Variants in CCDC178 observed in about 807,000 individuals in gnomAD.
CCDC178 encodes the protein coiled-coil domain-containing protein 178.
A neutral mutation model predicts 117.4 loss-of-function variants in CCDC178; 126 were observed. The observed-to-expected ratio is 1.07, with a 90% CI of 0.93 to 1.24. The LOEUF (loss-of-function observed/expected upper bound fraction) is 1.24, where lower values mean the gene tolerates loss of function less well. Among genes scored for constraint, CCDC178 ranks in the 50% most tolerant of loss-of-function variants. The pLI is 0.00. For synonymous variants in CCDC178, 283 were observed against 313.4 expected (o/e 0.90, Z 1.02); for missense variants, 1,030 against 986.9 (o/e 1.04, Z -0.59).
intron 1 of CCDC178, among the ~76,000 whole-genome samples, chr18:33,440,300 T>C (rs1212487646): frequency 4.5e-4 from 1 of 2,200 alleles, no homozygotes; most frequent in Non-Finnish European, 9.4e-4. Context: ...ACTGGGGGAC[T>C]GGGGGACTGG....
At chr18:33,259,704 G>T (rs370406056) in intron 14 of CCDC178, among the ~76,000 whole-genome samples, 1 of 152,056 alleles carries the variant, frequency 6.6e-6, no homozygotes, top group African/African-American at 2.4e-5. Flanking sequence ...CGAGATTTGG[G>T]TGGGGACTTA....
At chr18:33,314,321 C>G (rs546922714) in intron 11 of CCDC178, among the ~76,000 whole-genome samples, 1 of 150,428 alleles carries the variant, frequency 6.6e-6, no homozygotes, top group East Asian at 2.0e-4. Context: ...GGCTACTTCT[C>G]GGGATCTAAA....
At position 33,162,239 on chromosome 18, in the gene CCDC178, G is replaced by A. The variant is rs1295025476; in HGVS notation, c.2238+49657C>T. Among the ~76,000 whole-genome samples the A allele has an allele frequency of 3.3e-5, 5 of 152,188 alleles. No homozygotes were observed. In the East Asian group the frequency reaches 9.7e-4, roughly 29 times the overall value. On this transcript the variant is annotated intron_variant, in intron 20 of 22. Transcript: ENST00000383096. ...GGAGATATATCTAATGTTAAATGAC[G>A]AGTTAATGGGTGCAGCACACCAACA...
intron 2 of CCDC178, among the ~76,000 whole-genome samples, chr18:33,424,490 C>G (rs2064086242): frequency 6.6e-6 from 1 of 152,142 alleles, no homozygotes; most frequent in African/African-American, 2.4e-5. Flanking sequence ...GTTATATAAC[C>G]TATTTGTGTA....
intron 7 of CCDC178, among the ~76,000 whole-genome samples, chr18:33,351,244 G>A (rs2062976380): frequency 6.6e-6 from 1 of 151,890 alleles, no homozygotes; most frequent in Non-Finnish European, 1.5e-5. Context: ...CCAGGTTGGA[G>A]TGCAGTGGAG....
At chr18:33,194,091 T>A (rs2058896265) in intron 20 of CCDC178, among the ~76,000 whole-genome samples, 1 of 152,184 alleles carries the variant, frequency 6.6e-6, no homozygotes, top group South Asian at 2.1e-4. Context: ...ACAATGGCAA[T>A]TAAATTTCAA....
intron 21 of CCDC178, among the ~76,000 whole-genome samples, chr18:33,035,542 T>C (rs960251855): frequency 1.3e-5 from 2 of 152,000 alleles, no homozygotes; most frequent in African/African-American, 4.8e-5. Flanking sequence ...AAGATCTCAC[T>C]TGATGTAGAA....
intron 12 of CCDC178, among the ~76,000 whole-genome samples, chr18:33,291,195 T>A (rs2060162049): frequency 6.6e-6 from 1 of 152,050 alleles, no homozygotes; most frequent in South Asian, 2.1e-4. Flanking sequence ...CTTAAACAAG[T>A]TCACAAAAGG....
intron 5 of CCDC178, among the ~76,000 whole-genome samples, chr18:33,376,280 G>A (rs989174311): frequency 1.3e-5 from 2 of 152,056 alleles, no homozygotes; most frequent in Non-Finnish European, 2.9e-5. Flanking sequence ...TGGGGGAGGG[G>A]CGGGGAGGGC....
intron 20 of CCDC178, among the ~76,000 whole-genome samples, chr18:33,199,918 T>C (rs1391194757): frequency 6.6e-6 from 1 of 152,206 alleles, no homozygotes; most frequent in Non-Finnish European, 1.5e-5. Flanking sequence ...TTATAGTTTC[T>C]GGTTTTGGAT....
chr18:33,316,257 GCGC>G (rs1490288386), intron 11 of CCDC178, among the ~76,000 whole-genome samples: 4 of 152,322 alleles, frequency 2.6e-5, no homozygotes, highest in Admixed American at 2.6e-4. Context: ...CCGGGGCTGC[GCGC>G]GGTGCTTGCG....
At chr18:32,941,105 G>A (rs563972218) in intron 22 of CCDC178, among the ~76,000 whole-genome samples, 34 of 151,216 alleles carry the variant, frequency 2.2e-4, no homozygotes, top group African/African-American at 7.8e-4. Flanking sequence ...TCTGAAAGAC[G>A]CTTACAAAGT....
intron 21 of CCDC178, among the ~76,000 whole-genome samples, chr18:33,029,764 A>C (rs1263642353): frequency 2.0e-5 from 3 of 151,692 alleles, no homozygotes; most frequent in African/African-American, 7.3e-5. Flanking sequence ...TTTTTTCAGG[A>C]GTGTATTTAA....
intron 20 of CCDC178, among the ~76,000 whole-genome samples, chr18:33,102,262 G>C (rs1434680355): frequency 6.6e-6 from 1 of 151,742 alleles, no homozygotes; most frequent in Non-Finnish European, 1.5e-5. Flanking sequence ...CCTAATTTCA[G>C]TCTGACACCC....
intron 15 of CCDC178, among the ~76,000 whole-genome samples, chr18:33,231,500 T>G (rs2059367503): frequency 6.6e-6 from 1 of 152,202 alleles, no homozygotes; most frequent in African/African-American, 2.4e-5. Flanking sequence ...AATTATTGCC[T>G]CTTAGCTCCA....
chr18:33,437,989 G>C (rs892879995), intron 2 of CCDC178, among the ~76,000 whole-genome samples: 3 of 152,116 alleles, frequency 2.0e-5, no homozygotes, highest in African/African-American at 7.2e-5. Flanking sequence ...ATAAGGATAA[G>C]TTTAAATTTA....
rs1450443038 is a variant in CCDC178 at position 33,157,053 on chromosome 18, T to G, written c.2238+54843A>C. 3.3e-5 allele frequency among the ~76,000 whole-genome samples: 5 copies of G among 152,224 alleles called. No homozygotes were observed. The East Asian group carries it at 9.6e-4, about 29-fold the overall frequency. On this transcript the variant is annotated intron_variant, in intron 20 of 22. Coordinates refer to ENST00000383096, the MANE Select transcript of CCDC178 (RefSeq NM_001105528.4). ...TTTAAGTGGGTTCAATAAATCAATA[T>G]GATGGCTAAGTACTTTCTTTGGTTT...
chr18:33,435,574 G>A (rs541753606), intron 2 of CCDC178, among the ~76,000 whole-genome samples: 92 of 149,566 alleles, frequency 6.2e-4, no homozygotes, highest in African/African-American at 2.0e-3. Flanking sequence ...TAACACTACA[G>A]AGAGAGAGAG....
chr18:33,109,091 C>G (rs2057745862), intron 20 of CCDC178, among the ~76,000 whole-genome samples: 1 of 151,588 alleles, frequency 6.6e-6, no homozygotes, highest in African/African-American at 2.4e-5. Flanking sequence ...ACATTCAATG[C>G]AGTGACCATA....
Sources: gnomAD v4.1 joint callset for allele counts (sites outside exome capture counted in the v4.1 genomes callset) on GRCh38, gnomAD v4.1.1 for gene constraint, MANE v1.5 for transcripts, NCBI Gene and HGNC (gene_info 2026-07-23, HGNC 2026-07-21) for gene names.